The following AFG2A variants were observed in gnomAD, a reference collection of about 807,000 sequenced individuals.
AFG2A encodes the protein ATPase family gene 2 protein homolog A.
the AFG2A span, among the ~76,000 whole-genome samples, chr4:123,139,321 A>G: frequency 6.6e-6 from 1 of 152,136 alleles, no homozygotes; most frequent in Non-Finnish European, 1.5e-5. Context: ...CAGTAGGGAA[A>G]TAATTCTACA....
At chr4:122,934,562 A>T in the AFG2A span, 62 of 1,613,748 alleles carry the variant, frequency 3.8e-5, no homozygotes, top group East Asian at 1.4e-3. Flanking sequence ...GATACTTTTT[A>T]TTTTATTTCT....
At chr4:123,101,634 G>T in the AFG2A span, among the ~76,000 whole-genome samples, 1 of 151,826 alleles carries the variant, frequency 6.6e-6, no homozygotes, top group Non-Finnish European at 1.5e-5. Flanking sequence ...GAGGAGTTTT[G>T]TATTTTTCTT....
the AFG2A span, among the ~76,000 whole-genome samples, chr4:123,093,708 T>C: frequency 1.3e-5 from 2 of 152,178 alleles, no homozygotes; most frequent in Non-Finnish European, 2.9e-5. Context: ...TTTATAAACA[T>C]AGGCTCTGCC....
chr4:123,013,214 A>G, the AFG2A span, among the ~76,000 whole-genome samples: 1 of 152,068 alleles, frequency 6.6e-6, no homozygotes. Context: ...GGAATTTCAC[A>G]AGGTAATGTC....
chr4:123,157,783 C>G, the AFG2A span, among the ~76,000 whole-genome samples: 1 of 152,124 alleles, frequency 6.6e-6, no homozygotes, highest in Non-Finnish European at 1.5e-5. Context: ...ATGTCATCAT[C>G]AAGTGAAAGT....
At chr4:123,023,745 G>C in the AFG2A span, among the ~76,000 whole-genome samples, 799 of 152,188 alleles carry the variant, frequency 5.3e-3, 7 homozygotes, top group African/African-American at 0.018. Flanking sequence ...CTCCGAGCAA[G>C]ATGGCAGCCT....
the AFG2A span, among the ~76,000 whole-genome samples, chr4:123,112,085 A>G: frequency 6.6e-6 from 1 of 152,154 alleles, no homozygotes; most frequent in African/African-American, 2.4e-5. Flanking sequence ...TTAAATTATT[A>G]TCTATTGAGT....
chr4:123,168,712 A>G, the AFG2A span, among the ~76,000 whole-genome samples: 3,380 of 152,304 alleles, frequency 0.022, 122 homozygotes, highest in African/African-American at 0.076. Context: ...TCTTTTGTCT[A>G]AAGTTTGTTA....
the AFG2A span, among the ~76,000 whole-genome samples, chr4:123,054,536 G>A: frequency 6.6e-6 from 1 of 152,012 alleles, no homozygotes; most frequent in Admixed American, 6.6e-5. Context: ...GGCTAACACA[G>A]TGAAACCCTG....
the AFG2A span, among the ~76,000 whole-genome samples, chr4:123,179,027 G>A: frequency 1.3e-5 from 2 of 152,150 alleles, no homozygotes; most frequent in Non-Finnish European, 2.9e-5. Context: ...TGCACATGCA[G>A]CCCATTTTCC....
chr4:122,939,892 T>C, the AFG2A span, among the ~76,000 whole-genome samples: 1 of 152,226 alleles, frequency 6.6e-6, no homozygotes, highest in East Asian at 1.9e-4. Context: ...TTTGGTTTTT[T>C]GTCCTTGCGA....
chr4:123,031,774 TGAAA>T, the AFG2A span, among the ~76,000 whole-genome samples: 1 of 152,270 alleles, frequency 6.6e-6, no homozygotes, highest in African/African-American at 2.4e-5. Flanking sequence ...TCTAAGTTTA[TGAAA>T]GAACCTTTTA....
the AFG2A span, among the ~76,000 whole-genome samples, chr4:122,973,737 A>T: frequency 1.3e-5 from 2 of 152,142 alleles, no homozygotes; most frequent in Non-Finnish European, 2.9e-5. Flanking sequence ...AAGTTTAGTG[A>T]CTGAGTGCAG....
the AFG2A span, among the ~76,000 whole-genome samples, chr4:122,965,646 G>T: frequency 1.3e-5 from 2 of 152,148 alleles, no homozygotes; most frequent in Non-Finnish European, 2.9e-5. Context: ...TAACATAGCA[G>T]TATTGCTTCT....
the AFG2A span, among the ~76,000 whole-genome samples, chr4:123,296,633 A>T: frequency 1.3e-5 from 2 of 152,208 alleles, no homozygotes; most frequent in Non-Finnish European, 2.9e-5. Flanking sequence ...TGGAGATAGG[A>T]TTACAGTGTA....
the AFG2A span, among the ~76,000 whole-genome samples, chr4:123,110,907 A>C: frequency 6.6e-6 from 1 of 152,036 alleles, no homozygotes; most frequent in African/African-American, 2.4e-5. Flanking sequence ...GTAGCATGTC[A>C]TTTTTCTCCA....
the AFG2A span, among the ~76,000 whole-genome samples, chr4:123,093,252 C>G: frequency 6.6e-6 from 1 of 152,132 alleles, no homozygotes; most frequent in Non-Finnish European, 1.5e-5. Flanking sequence ...GCAGTGCACC[C>G]AGAGTTGGCA....
At chr4:123,081,548 G>T in the AFG2A span, among the ~76,000 whole-genome samples, 15 of 152,118 alleles carry the variant, frequency 9.9e-5, no homozygotes, top group African/African-American at 1.4e-4. Context: ...AGGACATCTT[G>T]GTTGCTTCCA....
chr4:123,178,782 T>A, the AFG2A span, among the ~76,000 whole-genome samples: 1 of 152,204 alleles, frequency 6.6e-6, no homozygotes, highest in Non-Finnish European at 1.5e-5. Context: ...CTCTTTTAAA[T>A]CCATAATATG....
Sources: allele counts gnomAD v4.1 joint callset (sites outside exome capture counted in the v4.1 genomes callset), GRCh38; gene constraint gnomAD v4.1.1; transcripts MANE v1.5; gene names NCBI Gene and HGNC (gene_info 2026-07-23, HGNC 2026-07-21).